Variants in FOXP2 observed in about 807,000 individuals in gnomAD.
The protein encoded by FOXP2 is forkhead box P2.
FOXP2 carries 12 observed loss-of-function variants against 115.8 expected under a neutral mutation model. The ratio of observed to expected loss-of-function variants is 0.10; its 90% CI spans 0.07 to 0.17. FOXP2 has a LOEUF of 0.17. Ranked by LOEUF, FOXP2 falls within the 10% of genes least tolerant of loss-of-function variation. The pLI is 1.00. For missense variants in FOXP2, 629 were observed against 843.5 expected, an observed-to-expected ratio of 0.75 and a Z score of 3.15; for synonymous variants, 328 against 297.7, an observed-to-expected ratio of 1.10 and a Z score of -1.05.
Position 114,658,101 on chromosome 7 carries a change from T to C in FOXP2, c.1302T>C (p.Asn434=), listed in dbSNP as rs1217274628. ...TGTCTAGTGTCACCATGTCGAAGAA[T>C]ATGTTGGAGACATCCCCACAGAGCT... ...NLVSSVTMSK[N]MLETSPQSLP... The change falls in exon 11 of 17, where the codon AAT becomes AAC. Residue 434 remains asparagine, a synonymous_variant. Transcript: ENST00000350908. 1 of 1,613,896 alleles carries C rather than the reference T, an allele frequency of 6.2e-7. No individual in the cohort carries two copies. The highest frequency in any genetic ancestry group is 1.7e-4 in the Middle Eastern group (1 of 6,060).
At chr7:114,312,717 C>G (rs1797176002) in intron 2 of FOXP2, among the ~76,000 whole-genome samples, 1 of 152,212 alleles carries the variant, frequency 6.6e-6, no homozygotes, top group Admixed American at 6.5e-5. Flanking sequence ...TCAAGTCTTA[C>G]AGCAATGTCT....
chr7:114,651,540 T>C (rs1806255033), intron 8 of FOXP2, among the ~76,000 whole-genome samples: 1 of 152,094 alleles, frequency 6.6e-6, no homozygotes, highest in South Asian at 2.1e-4. Flanking sequence ...TATTCAAGGT[T>C]AGAGTGAGAT....
intron 1 of FOXP2, among the ~76,000 whole-genome samples, chr7:114,264,617 T>G (rs1795850000): frequency 6.6e-6 from 1 of 152,224 alleles, no homozygotes; most frequent in Admixed American, 6.5e-5. Flanking sequence ...ATTTGTAGTA[T>G]TAACCTATTT....
intron 16 of FOXP2, among the ~76,000 whole-genome samples, chr7:114,683,311 T>C (rs1373565905): frequency 6.6e-6 from 1 of 152,174 alleles, no homozygotes; most frequent in Admixed American, 6.5e-5. Flanking sequence ...CAAGATAAAG[T>C]ATAGCTACCA....
intron 2 of FOXP2, among the ~76,000 whole-genome samples, chr7:114,310,806 C>CT (rs1352020787): frequency 6.6e-6 from 1 of 152,118 alleles, no homozygotes; most frequent in South Asian, 2.1e-4. Flanking sequence ...TTAAGGGACA[C>CT]TTTTTTAAGA....
intron 3 of FOXP2, among the ~76,000 whole-genome samples, chr7:114,623,385 T>C (rs949519687): frequency 1.3e-5 from 2 of 151,904 alleles, no homozygotes; most frequent in African/African-American, 4.8e-5. Context: ...GAAAAATGTG[T>C]AGTGACCATG....
Position 114,415,024 on chromosome 7 carries a change from C to G in FOXP2, c.-347C>G, listed in dbSNP as rs909091533. The G allele has an allele frequency of 1.1e-5, 5 of 451,640 alleles. No homozygotes were observed. The highest frequency in any genetic ancestry group is 8.0e-5 in the African/African-American group (4 of 49,922). The allele number at this position is 451,640 out of a possible 1,614,324, so 28.0% of individuals were successfully genotyped here. A position where few individuals can be genotyped will look rare whatever the true frequency, so the allele number is the denominator to read the frequency against. On this transcript the variant is annotated 5_prime_UTR_variant, in exon 1 of 17. Transcript: ENST00000350908. ...TGAACCTTTGTCACCCCTCACGTTG[C>G]ACACCAAAGACATACCCTAGTGATT... is the stretch of plus-strand genomic sequence containing the variant.
chr7:114,102,483 C>T (rs1338002094), intron 1 of FOXP2, among the ~76,000 whole-genome samples: 1 of 151,908 alleles, frequency 6.6e-6, no homozygotes, highest in Non-Finnish European at 1.5e-5. Context: ...AAATGAATGA[C>T]TGTGCCTGTG....
In FOXP2 at chr7:114,508,192, A is replaced by G. The variant is rs183142996; in HGVS notation, c.169-26425A>G. 7.9e-5 allele frequency among the ~76,000 whole-genome samples: 12 copies of G among 152,116 alleles called. No homozygotes were observed. In the East Asian group the frequency reaches 2.3e-3, roughly 29 times the overall value. On this transcript the variant is annotated intron_variant, in intron 2 of 16. Coordinates refer to ENST00000350908, the MANE Select transcript of FOXP2 (RefSeq NM_014491.4). ...AAGCACAACTTTTTTCTGCTTAGAA[A>G]AAAGTCAGGAGACTACAGTGAAAGT...
chr7:114,584,856 A>C (rs1409845101), intron 3 of FOXP2, among the ~76,000 whole-genome samples: 1 of 152,170 alleles, frequency 6.6e-6, no homozygotes, highest in Non-Finnish European at 1.5e-5. Context: ...AGATTATTAC[A>C]TTGGGGGCAT....
intron 2 of FOXP2, among the ~76,000 whole-genome samples, chr7:114,384,175 C>T (rs1176446250): frequency 6.7e-6 from 1 of 150,022 alleles, no homozygotes; most frequent in East Asian, 2.0e-4. Flanking sequence ...ACAAAGAAAG[C>T]GGTCCGGGCT....
At chr7:114,670,235 G>C (rs1370006745) in intron 16 of FOXP2, among the ~76,000 whole-genome samples, 1 of 151,882 alleles carries the variant, frequency 6.6e-6, no homozygotes, top group African/African-American at 2.4e-5. Context: ...CTTTTATATA[G>C]AACGTTAATA....
At chr7:114,536,003 C>T (rs531245548) in intron 3 of FOXP2, among the ~76,000 whole-genome samples, 1 of 151,426 alleles carries the variant, frequency 6.6e-6, no homozygotes, top group South Asian at 2.1e-4. Context: ...ATAATGGGAG[C>T]GTAGGTGTAG....
At chr7:114,257,433 C>A (rs1795643982) in intron 1 of FOXP2, among the ~76,000 whole-genome samples, 2 of 147,776 alleles carry the variant, frequency 1.4e-5, no homozygotes, top group Non-Finnish European at 3.0e-5. Context: ...GTATGAAAGT[C>A]ATTTTTTTCT....
intron 1 of FOXP2, among the ~76,000 whole-genome samples, chr7:114,097,994 G>A (rs1408757409): frequency 1.3e-5 from 2 of 152,204 alleles, no homozygotes; most frequent in East Asian, 1.9e-4. Flanking sequence ...ATGAGAGGTA[G>A]AGATAGAAGT....
chr7:114,363,964 T>C (rs955292701), intron 2 of FOXP2, among the ~76,000 whole-genome samples: 2 of 152,202 alleles, frequency 1.3e-5, no homozygotes, highest in Non-Finnish European at 2.9e-5. Context: ...TAGACTTTTA[T>C]TTAATTCAAG....
At chr7:114,652,482 A>C (rs1236559972) in intron 9 of FOXP2, among the ~76,000 whole-genome samples, 192 bp downstream of exon 9, 1 of 152,134 alleles carries the variant, frequency 6.6e-6, no homozygotes, top group Non-Finnish European at 1.5e-5. Context: ...GCTGTAGTTT[A>C]ATGTACTTAT....
chr7:114,513,421 T>C (rs1798172297), intron 2 of FOXP2, among the ~76,000 whole-genome samples: 1 of 152,118 alleles, frequency 6.6e-6, no homozygotes, highest in South Asian at 2.1e-4. Flanking sequence ...TTTTGACTTA[T>C]AATTAGAATC....
At chr7:114,488,761 A>G (rs547062093) in intron 2 of FOXP2, among the ~76,000 whole-genome samples, 68 of 152,314 alleles carry the variant, frequency 4.5e-4, no homozygotes, top group African/African-American at 1.6e-3. Flanking sequence ...TGCAAAATTC[A>G]AGAATTCCTT....
Sources: gnomAD v4.1 joint callset for allele counts (sites outside exome capture counted in the v4.1 genomes callset) on GRCh38, gnomAD v4.1.1 for gene constraint, MANE v1.5 for transcripts, NCBI Gene and HGNC (gene_info 2026-07-23, HGNC 2026-07-21) for gene names.